CSMD1: variants seen among roughly 807,000 people sequenced by gnomAD.
CSMD1 encodes CUB and sushi domain-containing protein 1.
In CSMD1, 213 loss-of-function variants were observed where a neutral mutation model predicts 417.5. The ratio of observed to expected loss-of-function variants is 0.51; its 90% CI spans 0.46 to 0.57. The LOEUF is 0.57. CSMD1 is among the 20% of genes least tolerant of loss of function. CSMD1 has a pLI of 0.00. For synonymous variants in CSMD1, 2,862 were observed against 1,736.8 expected, an observed-to-expected ratio of 1.65 and a Z score of -16.11; for missense variants, 6,923 against 4,529.7, an observed-to-expected ratio of 1.53 and a Z score of -15.17.
chr8:4,030,652 G>C (rs1797295508), intron 4 of CSMD1, among the ~76,000 whole-genome samples: 2 of 152,250 alleles, frequency 1.3e-5, no homozygotes, highest in South Asian at 4.1e-4. Flanking sequence ...TTTTCCCCAT[G>C]GTCTTGGGGA....
rs538603176 is a variant in CSMD1 at position 4,805,978 on chromosome 8, T to G, written c.86-168420A>C. On this transcript the variant is annotated intron_variant, in intron 1 of 69. Coordinates refer to ENST00000635120, the MANE Select transcript of CSMD1 (RefSeq NM_033225.6). ...CGATTTTTTAATTACCAAGGGCTTT[T>G]CTTTCTCACACAAACTAAATACTCA... is the stretch of plus-strand genomic sequence containing the variant. Among the ~76,000 whole-genome samples the G allele has an allele frequency of 9.8e-5, 15 of 152,352 alleles. No individual in the cohort carries two copies. In the South Asian group the frequency reaches 3.1e-3, roughly 32 times the overall value.
chr8:4,267,308 A>G lies in CSMD1; in HGVS notation c.415+152645T>C, dbSNP rs188631420. ...TATTAGCTATAACCATTTAGAAAAT[A>G]TAATTTAAAAATTATAAAATAGCAA... On this transcript the variant is annotated intron_variant, in intron 3 of 69. Transcript: ENST00000635120. 6.1e-3 allele frequency among the ~76,000 whole-genome samples: 631 copies of G among 104,102 alleles called. 96 individuals are homozygous for G. The highest frequency in any genetic ancestry group is 0.016 in the African/African-American group (605 of 38,480). The allele number at this position is 104,102 out of a possible 152,430, so 68.3% of individuals were successfully genotyped here.
intron 2 of CSMD1, among the ~76,000 whole-genome samples, chr8:4,596,856 G>A (rs1227719717): frequency 2.0e-5 from 3 of 152,106 alleles, no homozygotes; most frequent in Admixed American, 6.5e-5. Flanking sequence ...GAATCATGGG[G>A]GCTGATCTTT....
chr8:3,511,760 A>AG (rs1362373044), intron 10 of CSMD1, among the ~76,000 whole-genome samples: 4 of 128,300 alleles, frequency 3.1e-5, no homozygotes, highest in Non-Finnish European at 6.5e-5. Flanking sequence ...CATCTCTAAA[A>AG]AAATAACATA....
At chr8:4,054,213 G>A (rs1470086327) in intron 3 of CSMD1, among the ~76,000 whole-genome samples, 2 of 152,114 alleles carry the variant, frequency 1.3e-5, no homozygotes, top group Admixed American at 1.3e-4. Flanking sequence ...ATGATTTGGC[G>A]CCACCTCTCT....
intron 2 of CSMD1, among the ~76,000 whole-genome samples, chr8:4,469,758 C>T (rs1326116563): frequency 6.6e-6 from 1 of 152,126 alleles, no homozygotes; most frequent in Non-Finnish European, 1.5e-5. Context: ...TGGAAGGAGC[C>T]CTTGGAATAT....
intron 68 of CSMD1, among the ~76,000 whole-genome samples, chr8:2,947,819 T>C (rs934102266): frequency 1.3e-5 from 2 of 152,170 alleles, no homozygotes; most frequent in East Asian, 3.9e-4. Context: ...CAAAATAATA[T>C]AACCCAATTT....
intron 3 of CSMD1, among the ~76,000 whole-genome samples, chr8:4,058,488 A>T (rs1798811183): frequency 6.6e-6 from 1 of 152,180 alleles, no homozygotes; most frequent in Admixed American, 6.6e-5. Context: ...AAACAGGGAC[A>T]ATTTGCCTTC....
intron 3 of CSMD1, among the ~76,000 whole-genome samples, chr8:4,109,581 T>C (rs1176506654): frequency 6.6e-6 from 1 of 152,176 alleles, no homozygotes; most frequent in Non-Finnish European, 1.5e-5. Flanking sequence ...TGTCTGGAAC[T>C]ACGCAGGAGC....
At chr8:4,637,762 C>A (rs1015349179) in intron 1 of CSMD1, among the ~76,000 whole-genome samples, 5 of 147,186 alleles carry the variant, frequency 3.4e-5, no homozygotes, top group Non-Finnish European at 1.5e-5. Flanking sequence ...GCTCCGCTTC[C>A]CGGGTTCACG....
At chr8:3,046,853 A>G (rs1323229047) in intron 50 of CSMD1, among the ~76,000 whole-genome samples, 1 of 152,214 alleles carries the variant, frequency 6.6e-6, no homozygotes, top group Non-Finnish European at 1.5e-5. Context: ...AAGGAACATA[A>G]TATCTTCTTC....
chr8:3,026,559 C>T (rs891756881), intron 51 of CSMD1, among the ~76,000 whole-genome samples: 2 of 151,850 alleles, frequency 1.3e-5, no homozygotes, highest in African/African-American at 2.4e-5. Flanking sequence ...ACTGACTTCA[C>T]TGGACCTCAC....
intron 3 of CSMD1, among the ~76,000 whole-genome samples, chr8:4,388,845 A>G (rs1483404522): frequency 3.9e-5 from 6 of 152,192 alleles, no homozygotes; most frequent in African/African-American, 1.4e-4. Context: ...CTTTGATTTA[A>G]AAACCATTTA....
intron 3 of CSMD1, among the ~76,000 whole-genome samples, chr8:4,205,691 T>C (rs1799938486): frequency 6.6e-6 from 1 of 151,816 alleles, no homozygotes; most frequent in Non-Finnish European, 1.5e-5. Flanking sequence ...TTTTACAAAG[T>C]TTCTTCCTAC....
chr8:3,633,621 C>T (rs766231325), intron 7 of CSMD1, among the ~76,000 whole-genome samples: 22 of 152,042 alleles, frequency 1.4e-4, no homozygotes, highest in Non-Finnish European at 2.8e-4. Context: ...ATTAATATTT[C>T]CTAATTTAAA....
At chr8:3,708,826 A>G (rs1472123101) in intron 6 of CSMD1, among the ~76,000 whole-genome samples, 2 of 152,156 alleles carry the variant, frequency 1.3e-5, no homozygotes. Context: ...CAGGCAGATC[A>G]CTCACTTCAT....
intron 5 of CSMD1, among the ~76,000 whole-genome samples, chr8:3,825,387 G>C (rs1801996352): frequency 6.6e-6 from 1 of 152,122 alleles, no homozygotes; most frequent in Non-Finnish European, 1.5e-5. Flanking sequence ...AAATTAGCCA[G>C]GGGTGGTGGT....
chr8:3,985,764 T>A (rs1814276334), intron 5 of CSMD1, among the ~76,000 whole-genome samples: 1 of 151,874 alleles, frequency 6.6e-6, no homozygotes, highest in Non-Finnish European at 1.5e-5. Context: ...TGATTTTTTT[T>A]TTTTTTTTTG....
intron 7 of CSMD1, among the ~76,000 whole-genome samples, chr8:3,651,194 C>G (rs1292937589): frequency 2.6e-5 from 4 of 152,148 alleles, no homozygotes; most frequent in Admixed American, 6.5e-5. Flanking sequence ...AGAATGTATT[C>G]TCAACACAGC....
Sources: gnomAD v4.1 joint callset for allele counts (sites outside exome capture counted in the v4.1 genomes callset) on GRCh38, gnomAD v4.1.1 for gene constraint, MANE v1.5 for transcripts, NCBI Gene and HGNC (gene_info 2026-07-23, HGNC 2026-07-21) for gene names.